The following AADAT variants were observed in gnomAD, a reference collection of about 807,000 sequenced individuals.
AADAT encodes kynurenine/alpha-aminoadipate aminotransferase, mitochondrial.
A neutral mutation model predicts 56.2 loss-of-function variants in AADAT; 25 were observed. The ratio of observed to expected loss-of-function variants is 0.44; its 90% CI spans 0.32 to 0.62. AADAT has a LOEUF of 0.62. Ranked by LOEUF, AADAT falls within the 20% of genes least tolerant of loss-of-function variation. AADAT has a pLI of 0.04. For missense variants in AADAT, 387 were observed against 510.5 expected (o/e 0.76, Z 2.33); for synonymous variants, 173 against 164.7 (o/e 1.05, Z -0.39).
Position 170,061,875 on chromosome 4 carries a change from G to T in AADAT, c.1236+17C>A, listed in dbSNP as rs200697371. 1.9e-6 allele frequency: 3 copies of T among 1,578,128 alleles called. No homozygotes were observed. The highest frequency in any genetic ancestry group is 1.1e-5 in the South Asian group (1 of 88,446). ...AACTGCTAGCTAGTGTTACTCTGAG[G>T]AGAATACTACACTCACCACATCCAT... On this transcript the variant is annotated intron_variant, in intron 12 of 12. Transcript: ENST00000337664.
chr4:170,085,634 T>A (rs1405583139), intron 3 of AADAT, among the ~76,000 whole-genome samples: 1 of 152,200 alleles, frequency 6.6e-6, no homozygotes, highest in African/African-American at 2.4e-5. Flanking sequence ...GTCCATAGTA[T>A]CCTTTCTTGA....
intron 3 of AADAT, among the ~76,000 whole-genome samples, chr4:170,081,504 T>C (rs1221300112): frequency 6.6e-6 from 1 of 152,018 alleles, no homozygotes; most frequent in African/African-American, 2.4e-5. Flanking sequence ...CCTCAAGGCA[T>C]ATAAGAATTA....
intron 4 of AADAT, among the ~76,000 whole-genome samples, chr4:170,077,470 T>C (rs983144041): frequency 2.0e-5 from 3 of 152,194 alleles, no homozygotes; most frequent in African/African-American, 7.2e-5. Context: ...ATGGAATTGT[T>C]TTATATATTG....
chr4:170,083,489 G>C (rs1374240110), intron 3 of AADAT, among the ~76,000 whole-genome samples: 2 of 151,992 alleles, frequency 1.3e-5, no homozygotes, highest in Non-Finnish European at 2.9e-5. Context: ...CAACCTACAG[G>C]AGAGGAGAAA....
chr4:170,067,268 G>C (rs772938371), intron 9 of AADAT, 59 bp downstream of exon 9: 13 of 1,284,606 alleles, frequency 1.0e-5, no homozygotes, highest in Non-Finnish European at 1.5e-5. Context: ...TAGGTGATCT[G>C]TACTATGTTC....
At chr4:170,077,816 T>C (rs1732109390) in intron 4 of AADAT, among the ~76,000 whole-genome samples, 2 of 152,350 alleles carry the variant, frequency 1.3e-5, no homozygotes, top group South Asian at 2.1e-4. Context: ...CTTCTATGTA[T>C]TTGAGGACAG....
upstream of AADAT, chr4:170,090,088 G>GGC (rs146424748): frequency 0.12 from 18,175 of 152,288 alleles, 1,322 homozygotes; most frequent in African/African-American, 0.2. Context: ...CAGAGCGCAG[G>GGC]GCGCGGGGTA....
chr4:170,072,187 G>C (rs1396288539), intron 5 of AADAT, among the ~76,000 whole-genome samples: 1 of 152,016 alleles, frequency 6.6e-6, no homozygotes, highest in Admixed American at 6.6e-5. Flanking sequence ...ACAGAGCCTG[G>C]AAAGTACAAA....
At chr4:170,085,147 T>G (rs747258149) in intron 3 of AADAT, among the ~76,000 whole-genome samples, 3 of 152,220 alleles carry the variant, frequency 2.0e-5, no homozygotes, top group Non-Finnish European at 4.4e-5. Context: ...ACAATACATA[T>G]AAAATATAAA....
intron 3 of AADAT, among the ~76,000 whole-genome samples, chr4:170,083,948 G>A (rs1732433572): frequency 6.6e-6 from 1 of 152,060 alleles, no homozygotes; most frequent in Non-Finnish European, 1.5e-5. Flanking sequence ...GTTTATTATG[G>A]CACTTATTCA....
chr4:170,072,234 T>C (rs1731804561), intron 5 of AADAT, among the ~76,000 whole-genome samples: 1 of 150,708 alleles, frequency 6.6e-6, no homozygotes, highest in African/African-American at 2.4e-5. Context: ...TGTGTGTGTG[T>C]GTATACGTGT....
intron 4 of AADAT, among the ~76,000 whole-genome samples, chr4:170,074,425 T>C (rs996385772): frequency 6.6e-6 from 1 of 152,152 alleles, no homozygotes; most frequent in African/African-American, 2.4e-5. Context: ...TGAGTACCCA[T>C]GAATTATCTT....
Position 170,078,511 on chromosome 4 carries a change from T to A in AADAT, c.442A>T (p.Ser148Cys). The A allele has an allele frequency of 6.2e-7, 1 of 1,600,416 alleles. No homozygotes were observed. Among genetic ancestry groups the A allele is most frequent in the Non-Finnish European group, 8.5e-7 (1 of 1,171,010 alleles). Residue 148 changes from serine (S) to cysteine (C), a missense_variant and splice_region_variant, in exon 4 of 13, where the codon AGT (serine) becomes TGT (cysteine). Ser to Cys is a moderately radical substitution (Grantham distance 112). Coordinates refer to ENST00000337664, the MANE Select transcript of AADAT (RefSeq NM_016228.4). ...DEPAYSGTLQ[S>C]LHPLGCNIIN... ...CTTTAGTAAAAATGTATACTCACACTTTGAAGAGTTCCTGAATAAGCAGGT... is the reference window on the plus strand; with the variant it reads ...CTTTAGTAAAAATGTATACTCACACATTGAAGAGTTCCTGAATAAGCAGGT...
At chr4:170,087,506 C>T (rs890582535) in intron 2 of AADAT, among the ~76,000 whole-genome samples, 6 of 152,176 alleles carry the variant, frequency 3.9e-5, no homozygotes, top group African/African-American at 1.4e-4. Context: ...TTTGAATCTA[C>T]ATCTTTCTTA....
chr4:170,090,976 G>A (rs1732799765), upstream of AADAT, among the ~76,000 whole-genome samples: 1 of 152,148 alleles, frequency 6.6e-6, no homozygotes, highest in African/African-American at 2.4e-5. Flanking sequence ...TTTTATCTAG[G>A]TCCTGGCAGC....
chr4:170,092,452 C>G (rs1304135489), upstream of AADAT, among the ~76,000 whole-genome samples: 5 of 152,182 alleles, frequency 3.3e-5, no homozygotes, highest in Non-Finnish European at 5.9e-5. Context: ...GAAGAAACTC[C>G]CAACACATCC....
chr4:170,075,264 C>T (rs74707385), intron 4 of AADAT, among the ~76,000 whole-genome samples: 5,244 of 152,210 alleles, frequency 0.034, 116 homozygotes, highest in Middle Eastern at 0.071. Context: ...TTATGAGTAT[C>T]CAATCATTGA....
chr4:170,073,496 G>A (rs960428096), intron 4 of AADAT, 151 bp from the exon 5 acceptor site: 13 of 660,642 alleles, frequency 2.0e-5, no homozygotes, highest in Non-Finnish European at 3.2e-5. Flanking sequence ...GAGGGTTGAG[G>A]TTACACATTT....
intron 10 of AADAT, 152 bp from the exon 11 acceptor site, chr4:170,064,977 G>T: frequency 1.7e-6 from 1 of 587,026 alleles, no homozygotes; most frequent in Non-Finnish European, 2.8e-6. Context: ...ATATCATTTT[G>T]TGAGCCTTCA....
Sources: allele counts gnomAD v4.1 joint callset (sites outside exome capture counted in the v4.1 genomes callset), GRCh38; gene constraint gnomAD v4.1.1; transcripts MANE v1.5; gene names NCBI Gene and HGNC (gene_info 2026-07-23, HGNC 2026-07-21).